FAM20B: variants seen among roughly 807,000 people sequenced by gnomAD.
The protein encoded by FAM20B is glycosaminoglycan xylosylkinase.
In FAM20B, 23 loss-of-function variants were observed where a neutral mutation model predicts 43.8. That is an observed-to-expected ratio of 0.53 (90% CI 0.38 to 0.74). The LOEUF is 0.74. FAM20B is among the 30% of genes least tolerant of loss of function. The pLI is 0.00. For missense variants in FAM20B, 440 were observed against 510.5 expected, an observed-to-expected ratio of 0.86 and a Z score of 1.33; for synonymous variants, 178 against 192.4, an observed-to-expected ratio of 0.93 and a Z score of 0.62.
In FAM20B at chr1:179,054,620, A is replaced by C; in HGVS notation, c.556A>C (p.Ser186Arg). Reference protein sequence around the residue: ...IKPVATEQLLSTFLTVGNNTC... With the variant: ...IKPVATEQLLRTFLTVGNNTC... Reference sequence around the variant, plus strand: ...ACCTGTCGCCACAGAGCAGCTGTTGAGCACCTTCCTAACTGTAGGTAAGAA... The same window carrying C: ...ACCTGTCGCCACAGAGCAGCTGTTGCGCACCTTCCTAACTGTAGGTAAGAA... The change falls in exon 4 of 8, where the codon AGC (serine) becomes CGC (arginine). Residue 186 changes from serine to arginine, a missense_variant. Physicochemically the swap from Ser to Arg is moderately radical, Grantham distance 110. Transcript: ENST00000263733. 1.2e-6 allele frequency: 2 copies of C among 1,608,146 alleles called. No individual in the cohort carries two copies. Among genetic ancestry groups the C allele is most frequent in the Non-Finnish European group, 1.7e-6 (2 of 1,174,984 alleles).
chr1:179,033,061 A>G (rs2102483865), intron 1 of FAM20B, among the ~76,000 whole-genome samples: 1 of 152,384 alleles, frequency 6.6e-6, no homozygotes, highest in South Asian at 2.1e-4. Flanking sequence ...CTGCTAGTGA[A>G]AAATCAAAAG....
chr1:179,061,105 GT>G (rs1226543122), intron 4 of FAM20B, among the ~76,000 whole-genome samples: 9 of 132,148 alleles, frequency 6.8e-5, no homozygotes, highest in African/African-American at 2.6e-4. Context: ...TTGAGATGGA[GT>G]TTTGCTGTGT....
At chr1:179,027,264 T>C (rs1013900954) in intron 1 of FAM20B, among the ~76,000 whole-genome samples, 1 of 152,332 alleles carries the variant, frequency 6.6e-6, no homozygotes, top group Admixed American at 6.5e-5. Context: ...CTTGCAAAAA[T>C]TTCACTGGCG....
chr1:179,035,550 G>T, intron 1 of FAM20B: 1 of 648,996 alleles, frequency 1.5e-6, no homozygotes, highest in South Asian at 1.4e-5. Context: ...TTTCTTAATG[G>T]CCTTGTCCTT....
chr1:179,064,779 G>A (rs1041777560), intron 6 of FAM20B, among the ~76,000 whole-genome samples: 4 of 152,104 alleles, frequency 2.6e-5, no homozygotes, highest in African/African-American at 9.7e-5. Context: ...TACCTACATC[G>A]TTCTTTCTTG....
At position 179,064,285 on chromosome 1, in the gene FAM20B, G is replaced by T; in HGVS notation, c.747-20G>T. 1 of 1,589,486 alleles carries T rather than the reference G, an allele frequency of 6.3e-7. No homozygotes were observed. The highest frequency in any genetic ancestry group is 8.6e-7 in the Non-Finnish European group (1 of 1,162,926). On this transcript the variant is annotated intron_variant, in intron 5 of 7. Transcript: ENST00000263733. ...AGGTACAGTGTTGTCACTCAGTGCT[G>T]TGATGCTGCTTGTCTCCAGGTGGGA...
intron 3 of FAM20B, among the ~76,000 whole-genome samples, chr1:179,053,182 T>C (rs1417181415): frequency 3.3e-5 from 5 of 152,194 alleles, no homozygotes; most frequent in Non-Finnish European, 7.3e-5. Context: ...CCTGTCACTT[T>C]TGTTAAGTGC....
At chr1:179,022,496 C>T (rs980024050), upstream of FAM20B, among the ~76,000 whole-genome samples, 2 of 152,128 alleles carry the variant, frequency 1.3e-5, no homozygotes, top group African/African-American at 2.4e-5. Context: ...ATTTTGCCTT[C>T]GTGTATGCAA....
At chr1:179,063,821 T>G (rs1436865496) in intron 4 of FAM20B, 106 bp from the exon 5 acceptor site, 2 of 751,326 alleles carry the variant, frequency 2.7e-6, no homozygotes, top group East Asian at 5.3e-5. Flanking sequence ...GGGTCTTTGT[T>G]TTCACCATGC....
At chr1:179,040,132 CCTT>C (rs1410350327) in intron 1 of FAM20B, among the ~76,000 whole-genome samples, 1 of 145,964 alleles carries the variant, frequency 6.9e-6, no homozygotes, top group Non-Finnish European at 1.5e-5. Context: ...ATGTCCACCT[CCTT>C]CTACACAGAC....
At chr1:179,047,995 A>G (rs978897562) in intron 2 of FAM20B, among the ~76,000 whole-genome samples, 2 of 152,208 alleles carry the variant, frequency 1.3e-5, no homozygotes, top group Admixed American at 6.5e-5. Context: ...CTGCTCTCAG[A>G]GATACAAGGT....
chr1:179,062,931 G>A (rs564740929), intron 4 of FAM20B, among the ~76,000 whole-genome samples: 1 of 152,208 alleles, frequency 6.6e-6, no homozygotes, highest in South Asian at 2.1e-4. Context: ...GGGCACTCTG[G>A]CCAAGATCTC....
At position 179,069,591 on chromosome 1, in the gene FAM20B, C is replaced by T. The variant is rs149514260; in HGVS notation, c.999-2322C>T. On this transcript the variant is annotated intron_variant, in intron 7 of 7. Coordinates refer to ENST00000263733, the MANE Select transcript of FAM20B (RefSeq NM_014864.4). ...TTCAACATGTTGGTGGGGCTGGTCT[C>T]GAACTCCTGACCTCAGGTGATCCGT... Among the ~76,000 whole-genome samples, 281 of 152,154 alleles carry T rather than the reference C, an allele frequency of 1.8e-3. 1 individual carries two copies. The highest frequency in any genetic ancestry group is 6.2e-3 in the African/African-American group (258 of 41,534).
chr1:179,046,388 C>A (rs557304810), intron 2 of FAM20B, among the ~76,000 whole-genome samples: 3 of 152,098 alleles, frequency 2.0e-5, no homozygotes, highest in Non-Finnish European at 4.4e-5. Context: ...CGGTGGCTCA[C>A]GCCTGTAATC....
intron 7 of FAM20B, among the ~76,000 whole-genome samples, chr1:179,070,103 T>A (rs1230697666): frequency 1.3e-5 from 2 of 152,170 alleles, no homozygotes; most frequent in East Asian, 3.9e-4. Flanking sequence ...TGGAGTGCAG[T>A]GGCGCGATCT....
chr1:179,043,809 G>A lies in FAM20B; in HGVS notation c.-39G>A, dbSNP rs536664476. 1 of 1,549,718 alleles carries A rather than the reference G, an allele frequency of 6.5e-7. No individual in the cohort carries two copies. The highest frequency in any genetic ancestry group is 1.8e-5 in the Admixed American group (1 of 54,216). On this transcript the variant is annotated 5_prime_UTR_variant, in exon 2 of 8. It removes an upstream start codon present in the reference 5' UTR. Transcript: ENST00000263733. ...TCACCACCAGCTCTCCTTAATACATGAGCAAGAGTGGGTCAGGGGAGAAGG... is the reference window on the plus strand; with the variant it reads ...TCACCACCAGCTCTCCTTAATACATAAGCAAGAGTGGGTCAGGGGAGAAGG...
chr1:179,059,034 A>G (rs1651348332), intron 4 of FAM20B, among the ~76,000 whole-genome samples: 1 of 152,236 alleles, frequency 6.6e-6, no homozygotes, highest in South Asian at 2.1e-4. Flanking sequence ...TGTTTCCTTC[A>G]CAGGCACATC....
intron 6 of FAM20B, among the ~76,000 whole-genome samples, chr1:179,065,638 T>C (rs1651658985): frequency 6.6e-6 from 1 of 152,194 alleles, no homozygotes; most frequent in South Asian, 2.1e-4. Flanking sequence ...AAGATGGTGA[T>C]GGCCACAGAA....
At chr1:179,044,675 C>T (rs1232376694) in intron 2 of FAM20B, among the ~76,000 whole-genome samples, 1 of 152,158 alleles carries the variant, frequency 6.6e-6, no homozygotes, top group Non-Finnish European at 1.5e-5. Context: ...TCTAGATGTA[C>T]CACAGCTTAA....
Sources: gnomAD v4.1 joint callset for allele counts (sites outside exome capture counted in the v4.1 genomes callset) on GRCh38, gnomAD v4.1.1 for gene constraint, MANE v1.5 for transcripts, NCBI Gene and HGNC (gene_info 2026-07-23, HGNC 2026-07-21) for gene names.